CFAP20DC: variants seen among roughly 807,000 people sequenced by gnomAD.
The protein encoded by CFAP20DC is CFAP20 domain containing.
Under a neutral mutation model 101.7 loss-of-function variants are expected in CFAP20DC, and 84 were observed. The ratio of observed to expected loss-of-function variants is 0.83; its 90% CI spans 0.69 to 0.99. CFAP20DC has a LOEUF of 0.99. Among genes scored for constraint, CFAP20DC ranks in the 50% least tolerant of loss-of-function variants. The pLI is 0.00. For missense variants in CFAP20DC, 1,007 were observed against 970.3 expected (o/e 1.04, Z -0.50); for synonymous variants, 359 against 351.2 (o/e 1.02, Z -0.25).
At chr3:58,760,628 T>C (rs1373333621) in intron 15 of CFAP20DC, among the ~76,000 whole-genome samples, 1 of 152,198 alleles carries the variant, frequency 6.6e-6, no homozygotes, top group East Asian at 1.9e-4. Flanking sequence ...TCAAAGGGAA[T>C]GCTTCCAGTT....
In CFAP20DC at chr3:59,027,448, G is replaced by A. The variant is rs1560014724; in HGVS notation, c.278+12109C>T. 2.0e-5 allele frequency among the ~76,000 whole-genome samples: 3 copies of A among 152,108 alleles called. No homozygotes were observed. The South Asian group carries it at 6.2e-4, about 32-fold the overall frequency. On this transcript the variant is annotated intron_variant, in intron 4 of 16. Coordinates refer to ENST00000482387, the MANE Select transcript of CFAP20DC (RefSeq NM_001394063.1). ...CAAACAGCACATGATGCACACCAGA[G>A]GGTCTCAGTGTTTTCAACCCATTTA...
chr3:58,854,299 A>G lies in CFAP20DC; in HGVS notation c.1594-4890T>C, dbSNP rs866591247. ...ACAAGGGATGTGAAGGACCTCTTCA[A>G]GGAGAACTACAAACCACTGCTCAAG... On this transcript the variant is annotated intron_variant, in intron 12 of 16. Transcript: ENST00000482387. Among the ~76,000 whole-genome samples the G allele has an allele frequency of 6.8e-3, 1,034 of 151,532 alleles. 8 individuals are homozygous for G. The highest frequency in any genetic ancestry group is 0.023 in the African/African-American group (946 of 41,042).
intron 14 of CFAP20DC, among the ~76,000 whole-genome samples, chr3:58,809,083 C>T (rs938279354): frequency 4.1e-4 from 63 of 152,208 alleles, no homozygotes; most frequent in Non-Finnish European, 7.6e-4. Context: ...GAGTGACCTA[C>T]AAAGAGACTT....
Position 58,939,508 on chromosome 3 carries a change from G to A in CFAP20DC, c.279-1746C>T, listed in dbSNP as rs924788457. ...GAGTCTAGCTCTGTCACCCAGGCTGGAGTGCAGTGGCGCAATCTCGGCTCA... is the reference window on the plus strand; with the variant it reads ...GAGTCTAGCTCTGTCACCCAGGCTGAAGTGCAGTGGCGCAATCTCGGCTCA... On this transcript the variant is annotated intron_variant, in intron 4 of 16. Coordinates refer to ENST00000482387, the MANE Select transcript of CFAP20DC (RefSeq NM_001394063.1). Among the ~76,000 whole-genome samples, 66 of 151,802 alleles carry A rather than the reference G, an allele frequency of 4.3e-4. 2 individuals are homozygous for A. Among genetic ancestry groups the A allele is most frequent in the Non-Finnish European group, 4.4e-5 (3 of 67,984 alleles).
chr3:58,981,824 A>C (rs1436018449), intron 4 of CFAP20DC, among the ~76,000 whole-genome samples: 1 of 152,166 alleles, frequency 6.6e-6, no homozygotes, highest in East Asian at 1.9e-4. Context: ...AAAACACCAA[A>C]AGCAATGGCA....
intron 5 of CFAP20DC, among the ~76,000 whole-genome samples, chr3:58,920,228 C>A (rs912947236): frequency 6.6e-6 from 1 of 151,826 alleles, no homozygotes; most frequent in East Asian, 1.9e-4. Context: ...ACAGCTGGGA[C>A]CACAGCCATA....
At chr3:58,967,464 TTAGA>T (rs1404969955) in intron 4 of CFAP20DC, among the ~76,000 whole-genome samples, 5 of 152,100 alleles carry the variant, frequency 3.3e-5, no homozygotes, top group African/African-American at 4.8e-5. Context: ...TAGTAGTTTC[TTAGA>T]TAGGATGGCC....
At chr3:58,932,232 A>G (rs2086811808) in intron 5 of CFAP20DC, among the ~76,000 whole-genome samples, 3 of 152,174 alleles carry the variant, frequency 2.0e-5, no homozygotes, top group Admixed American at 6.5e-5. Flanking sequence ...AAAAAAGAAT[A>G]AAAAGAAACA....
In CFAP20DC at chr3:58,894,109, C is replaced by T. The variant is rs575509975; in HGVS notation, c.551-9400G>A. Among the ~76,000 whole-genome samples the T allele has an allele frequency of 1.2e-4, 18 of 152,156 alleles. No individual in the cohort carries two copies. Among genetic ancestry groups the T allele is most frequent in the East Asian group, 3.9e-4 (2 of 5,194 alleles). ...CTCCTACTGAGTCCCTCCCACAACACGTGGGAATTCAAGATGAGACTTGGG... is the reference window on the plus strand; with the variant it reads ...CTCCTACTGAGTCCCTCCCACAACATGTGGGAATTCAAGATGAGACTTGGG... On this transcript the variant is annotated intron_variant, in intron 6 of 16. Coordinates refer to ENST00000482387, the MANE Select transcript of CFAP20DC (RefSeq NM_001394063.1). The surrounding 1 kb of genome is among the most constrained non-coding windows in gnomAD (Gnocchi z 4.1).
Position 58,869,339 on chromosome 3 carries a change from A to G in CFAP20DC, c.1004T>C (p.Val335Ala). 1 of 1,612,396 alleles carries G rather than the reference A, an allele frequency of 6.2e-7. No homozygotes were observed. The highest frequency in any genetic ancestry group is 8.5e-7 in the Non-Finnish European group (1 of 1,178,832). ...TGATTATTTCTTACCATGAATAGGT[A>G]CAGTCTGCTTTATTTGGTGAATATT... ...KENIHQIKQT[V>A]PIHAANLHIM... The change falls in exon 9 of 17, where the codon GTA becomes GCA. Residue 335 changes from valine to alanine, a missense_variant. Transcript: ENST00000482387. The surrounding 1 kb of genome is among the most constrained non-coding windows in gnomAD (Gnocchi z 4.3).
intron 4 of CFAP20DC, among the ~76,000 whole-genome samples, chr3:58,948,053 G>A (rs867069251): frequency 1.6e-4 from 24 of 152,244 alleles, no homozygotes; most frequent in South Asian, 1.2e-3. Flanking sequence ...GGGTGAAGTG[G>A]GCCTCCACAG....
At chr3:58,935,064 CT>C (rs2087334597) in intron 5 of CFAP20DC, among the ~76,000 whole-genome samples, 1 of 152,172 alleles carries the variant, frequency 6.6e-6, no homozygotes, top group Non-Finnish European at 1.5e-5. Flanking sequence ...TGATAAGCAA[CT>C]TCAGCAAAGT....
intron 14 of CFAP20DC, 148 bp downstream of exon 14, chr3:58,831,537 CA>C: frequency 1.5e-6 from 1 of 646,592 alleles, no homozygotes; most frequent in Non-Finnish European, 2.7e-6. Flanking sequence ...TGTCCTTTCT[CA>C]AACACTATTT....
At chr3:58,746,041 C>T (rs369852015) in intron 16 of CFAP20DC, among the ~76,000 whole-genome samples, 4 of 152,222 alleles carry the variant, frequency 2.6e-5, no homozygotes, top group East Asian at 1.9e-4. Context: ...GGGTTATGTA[C>T]GTTTATACCT....
chr3:58,936,016 C>T (rs1289029183), intron 5 of CFAP20DC, among the ~76,000 whole-genome samples: 1 of 152,046 alleles, frequency 6.6e-6, no homozygotes, highest in Non-Finnish European at 1.5e-5. Context: ...ATTTTCACAA[C>T]CTACTTATCT....
At chr3:58,734,053 A>T (rs1270761493) in intron 3 of CFAP20DC, among the ~76,000 whole-genome samples, 2 of 152,146 alleles carry the variant, frequency 1.3e-5, no homozygotes, top group Non-Finnish European at 2.9e-5. Flanking sequence ...GATTTCCCCT[A>T]TGCTGTTCTC....
At chr3:59,011,076 G>C (rs1211173274) in intron 4 of CFAP20DC, among the ~76,000 whole-genome samples, 1 of 152,126 alleles carries the variant, frequency 6.6e-6, no homozygotes, top group Non-Finnish European at 1.5e-5. Flanking sequence ...TAAGAGAAAA[G>C]TTCGCAGCAT....
chr3:58,954,301 T>A (rs947986023), intron 4 of CFAP20DC, among the ~76,000 whole-genome samples: 1 of 152,206 alleles, frequency 6.6e-6, no homozygotes, highest in Non-Finnish European at 1.5e-5. Flanking sequence ...GTATGTACAA[T>A]CATTTACAAT....
At chr3:58,762,234 A>C (rs1318277506) in intron 15 of CFAP20DC, among the ~76,000 whole-genome samples, 1 of 152,158 alleles carries the variant, frequency 6.6e-6, no homozygotes, top group African/African-American at 2.4e-5. Flanking sequence ...TATTGGGTGC[A>C]TATATATTTA....
Sources: gnomAD v4.1 joint callset for allele counts (sites outside exome capture counted in the v4.1 genomes callset) on GRCh38, gnomAD v4.1.1 for gene constraint, Gnocchi (gnomAD v3.1) non-coding constraint, MANE v1.5 for transcripts, NCBI Gene and HGNC (gene_info 2026-07-23, HGNC 2026-07-21) for gene names.